ZZEF1: variants seen among roughly 807,000 people sequenced by gnomAD.
ZZEF1 encodes zinc finger ZZ-type and EF-hand domain-containing protein 1.
A neutral mutation model predicts 342.8 loss-of-function variants in ZZEF1; 157 were observed. The ratio of observed to expected loss-of-function variants is 0.46; its 90% CI spans 0.40 to 0.52. ZZEF1 has a LOEUF of 0.52. ZZEF1 is among the 20% of genes least tolerant of loss of function. The probability of loss-of-function intolerance (pLI) is 0.00; values close to 1 mark genes in which losing one functional copy is unlikely to be tolerated. For synonymous variants in ZZEF1, 1,505 were observed against 1,429.1 expected (o/e 1.05, Z -1.20); for missense variants, 3,480 against 3,725.6 (o/e 0.93, Z 1.72).
chr17:4,047,859 G>A (rs1327935315), intron 37 of ZZEF1, among the ~76,000 whole-genome samples: 1 of 148,586 alleles, frequency 6.7e-6, no homozygotes, highest in Non-Finnish European at 1.5e-5. Flanking sequence ...GAGGATCATT[G>A]GAGCCCAGGA....
intron 35 of ZZEF1, 47 bp from the exon 36 acceptor site, chr17:4,051,090 T>C (rs1486939581): frequency 5.0e-6 from 8 of 1,613,514 alleles, no homozygotes; most frequent in Middle Eastern, 3.3e-4. Context: ...CCAAAAGCTT[T>C]TGTGGCTCCA....
At chr17:4,126,759 A>T (rs562663073) in intron 1 of ZZEF1, among the ~76,000 whole-genome samples, 7 of 152,298 alleles carry the variant, frequency 4.6e-5, no homozygotes, top group African/African-American at 1.7e-4. Flanking sequence ...TCAGGCCAGG[A>T]GTTCAAGACC....
Position 4,007,047 on chromosome 17 carries a change from T to G in ZZEF1, c.8806-77A>C, listed in dbSNP as rs2055817366. On this transcript the variant is annotated intron_variant, in intron 54 of 54. Coordinates refer to ENST00000381638, the MANE Select transcript of ZZEF1 (RefSeq NM_015113.4). ...AGTGAGTGCTGATAAGACCCTCAGCTGAGCACTGAGGATGTGGGGACGGAG... is the reference window on the plus strand; with the variant it reads ...AGTGAGTGCTGATAAGACCCTCAGCGGAGCACTGAGGATGTGGGGACGGAG... 4 of 1,314,470 alleles carry G rather than the reference T, an allele frequency of 3.0e-6. No individual in the cohort carries two copies. The East Asian group carries it at 1.0e-4, about 33-fold the overall frequency. The allele number at this position is 1,314,470 out of a possible 1,614,324, so 81.4% of individuals were successfully genotyped here.
chr17:4,081,580 G>T, intron 17 of ZZEF1, 90 bp from the exon 18 acceptor site: 1 of 1,105,002 alleles, frequency 9.0e-7, no homozygotes, highest in Non-Finnish European at 1.3e-6. Flanking sequence ...GCGCAGAAAG[G>T]TTTCAGTGTC....
At chr17:4,048,564 C>T (rs2056974545) in intron 37 of ZZEF1, among the ~76,000 whole-genome samples, 1 of 152,312 alleles carries the variant, frequency 6.6e-6, no homozygotes, top group South Asian at 2.1e-4. Context: ...ACAGGTTATA[C>T]CTGGATCCAG....
At chr17:4,117,201 G>GA (rs757589653) in intron 2 of ZZEF1, 35 bp from the exon 3 acceptor site, 1 of 1,573,008 alleles carries the variant, frequency 6.4e-7, no homozygotes. Flanking sequence ...GTGTTTTGGG[G>GA]AAGCCACAGT....
chr17:4,066,706 T>C (rs1243631698), intron 27 of ZZEF1, among the ~76,000 whole-genome samples, 166 bp from the exon 28 acceptor site: 2 of 152,186 alleles, frequency 1.3e-5, no homozygotes, highest in South Asian at 2.1e-4. Flanking sequence ...TAAAAATTTC[T>C]AGAACACTGG....
rs1251460758 is a variant in ZZEF1, at chr17:4,109,867, T to G, written c.1067-4A>C. 1 of 1,614,024 alleles carries G rather than the reference T, an allele frequency of 6.2e-7. No individual in the cohort carries two copies. The highest frequency in any genetic ancestry group is 1.1e-5 in the South Asian group (1 of 91,080). ...CGCTTTATGTTAATCTGGACATCTG[T>G]CGAGCACAAACAAAAAATTCAGTAT... On this transcript the variant is annotated splice_region_variant and splice_polypyrimidine_tract_variant and intron_variant, in intron 5 of 54. Coordinates refer to ENST00000381638, the MANE Select transcript of ZZEF1 (RefSeq NM_015113.4).
At chr17:4,066,374 G>T in intron 28 of ZZEF1, 73 bp downstream of exon 28, 2 of 1,277,906 alleles carry the variant, frequency 1.6e-6, no homozygotes, top group Non-Finnish European at 2.3e-6. Flanking sequence ...TCTAGAAGGT[G>T]AGTAATTGGT....
chr17:4,008,870 G>A lies in ZZEF1; in HGVS notation c.8805+13C>T, dbSNP rs1354437831. On this transcript the variant is annotated intron_variant, in intron 54 of 54. Coordinates refer to ENST00000381638, the MANE Select transcript of ZZEF1 (RefSeq NM_015113.4). The surrounding 1 kb of genome is among the most constrained non-coding windows in gnomAD (Gnocchi z 4.2). ...CAGCCTGGGGGCCAGCTCTGTTGGG[G>A]TGGAGAGAGTACCTGTGCCGCACAG... is the stretch of plus-strand genomic sequence containing the variant. 5 of 1,546,020 alleles carry A rather than the reference G, an allele frequency of 3.2e-6. No homozygotes were observed. In the Admixed American group the frequency reaches 5.9e-5, roughly 18 times the overall value.
chr17:4,113,237 C>T (rs1036665805), intron 4 of ZZEF1, among the ~76,000 whole-genome samples: 7 of 152,226 alleles, frequency 4.6e-5, no homozygotes, highest in African/African-American at 1.4e-4. Context: ...TTGGAATTAG[C>T]CTGTTTTCTG....
chr17:4,074,417 C>T, intron 23 of ZZEF1, 66 bp from the exon 24 acceptor site: 2 of 1,492,938 alleles, frequency 1.3e-6, no homozygotes, highest in Non-Finnish European at 1.9e-6. Flanking sequence ...AATCAGCATG[C>T]TCTTCATGAC....
chr17:4,017,258 G>A lies in ZZEF1; in HGVS notation c.8001+113C>T. 2.8e-6 allele frequency: 4 copies of A among 1,432,814 alleles called. No individual in the cohort carries two copies. Among genetic ancestry groups the A allele is most frequent in the Non-Finnish European group, 3.7e-6 (4 of 1,069,362 alleles). 88.8% of individuals were successfully genotyped at this position (1,432,814 alleles called of 1,614,324 possible). A position where few individuals can be genotyped will look rare whatever the true frequency, so the allele number is the denominator to read the frequency against. On this transcript the variant is annotated intron_variant, in intron 48 of 54. Coordinates refer to ENST00000381638, the MANE Select transcript of ZZEF1 (RefSeq NM_015113.4). The surrounding 1 kb of genome is among the most constrained non-coding windows in gnomAD (Gnocchi z 5.1). ...ACCTTTGCTGCATTCACACCTGTCAGGGAGCTGCACAGCCACACAGGTAGC... is the reference window on the plus strand; with the variant it reads ...ACCTTTGCTGCATTCACACCTGTCAAGGAGCTGCACAGCCACACAGGTAGC...
chr17:4,020,054 A>C, intron 45 of ZZEF1: 2 of 296,022 alleles, frequency 6.8e-6, no homozygotes, highest in Middle Eastern at 9.6e-4. Flanking sequence ...TACTTACCAC[A>C]TCGTATTCAC....
chr17:4,105,791 C>T lies in ZZEF1; in HGVS notation c.1296G>A (p.Met432Ile), dbSNP rs1356543795. Residue 432 changes from methionine (M) to isoleucine (I), a missense_variant, in exon 7 of 55, where the codon ATG (methionine) becomes ATA (isoleucine). Transcript: ENST00000381638. ...LHNTQKALRH[M>I]PPLSLSPGST... ...ATCCTGGTGAGAGAGAGAGTGGAGGCATGTGCCGCAGCGCCTTCCTAGAAG... is the reference window on the plus strand; with the variant it reads ...ATCCTGGTGAGAGAGAGAGTGGAGGTATGTGCCGCAGCGCCTTCCTAGAAG... 6.2e-7 allele frequency: 1 copy of T among 1,610,930 alleles called. No individual in the cohort carries two copies. The highest frequency in any genetic ancestry group is 8.5e-7 in the Non-Finnish European group (1 of 1,178,976).
In ZZEF1 at chr17:4,062,925, C is replaced by T; in HGVS notation, c.4719-8G>A. 6.2e-7 allele frequency: 1 copy of T among 1,601,496 alleles called. No individual in the cohort carries two copies. ...GAAAGAACCTTCACAACACTGGAGA[C>T]ACAATGCAAGTCAGGAACACCCAGA... is the stretch of plus-strand genomic sequence containing the variant. On this transcript the variant is annotated splice_region_variant and splice_polypyrimidine_tract_variant and intron_variant, in intron 29 of 54. Coordinates refer to ENST00000381638, the MANE Select transcript of ZZEF1 (RefSeq NM_015113.4).
chr17:4,099,315 C>T (rs1013510572), intron 9 of ZZEF1, among the ~76,000 whole-genome samples: 3 of 152,194 alleles, frequency 2.0e-5, no homozygotes, highest in Non-Finnish European at 4.4e-5. Context: ...ACCTTACACT[C>T]CTGGGCTCAA....
At chr17:4,081,598 T>C (rs768503880) in intron 17 of ZZEF1, 108 bp from the exon 18 acceptor site, 39 of 924,592 alleles carry the variant, frequency 4.2e-5, no homozygotes, top group Non-Finnish European at 6.0e-5. Flanking sequence ...GTCATTTCCA[T>C]GGGATGGGAG....
intron 13 of ZZEF1, among the ~76,000 whole-genome samples, chr17:4,088,104 T>C (rs772320443): frequency 6.6e-6 from 1 of 151,814 alleles, no homozygotes; most frequent in Non-Finnish European, 1.5e-5. Flanking sequence ...GGATCAAGAG[T>C]GGACACTGCT....
Sources: allele counts gnomAD v4.1 joint callset (sites outside exome capture counted in the v4.1 genomes callset), GRCh38; gene constraint gnomAD v4.1.1; non-coding constraint Gnocchi (gnomAD v3.1); transcripts MANE v1.5; gene names NCBI Gene and HGNC (gene_info 2026-07-23, HGNC 2026-07-21).